BLOC1S6: variants seen among roughly 807,000 people sequenced by gnomAD.
BLOC1S6 encodes biogenesis of lysosome-related organelles complex 1 subunit 6.
A neutral mutation model predicts 24.7 loss-of-function variants in BLOC1S6; 24 were observed. The observed-to-expected ratio is 0.97, with a 90% CI of 0.70 to 1.37. The LOEUF is 1.37. Among genes scored for constraint, BLOC1S6 ranks in the 40% most tolerant of loss-of-function variants. The pLI is 0.00. For missense variants in BLOC1S6, 175 were observed against 196.2 expected (o/e 0.89, Z 0.64); for synonymous variants, 76 against 72.6 (o/e 1.05, Z -0.23).
intron 3 of BLOC1S6, 95 bp downstream of exon 3, chr15:45,603,282 TTG>T: frequency 2.5e-6 from 2 of 800,746 alleles, no homozygotes; most frequent in African/African-American, 1.7e-5. Flanking sequence ...AGCTTAGAAT[TTG>T]TCTTTTTAAC....
intron 2 of BLOC1S6, among the ~76,000 whole-genome samples, chr15:45,595,965 G>A (rs1478621795): frequency 1.3e-5 from 2 of 151,838 alleles, no homozygotes; most frequent in East Asian, 1.9e-4. Context: ...GCACCACCAC[G>A]CCTGTCTAAT....
At chr15:45,593,014 C>A (rs995377303) in intron 2 of BLOC1S6, among the ~76,000 whole-genome samples, 2 of 151,992 alleles carry the variant, frequency 1.3e-5, no homozygotes, top group African/African-American at 4.8e-5. Flanking sequence ...TTTATTAGGG[C>A]AAAAGGAGAG....
intron 2 of BLOC1S6, chr15:45,602,358 A>G (rs1242594050): frequency 1.5e-6 from 1 of 685,348 alleles, no homozygotes; most frequent in Admixed American, 2.1e-5. Flanking sequence ...TCTTTGTAGC[A>G]TTCTTTAAAA....
At chr15:45,598,026 G>A (rs1042098613) in intron 2 of BLOC1S6, 3 of 185,840 alleles carry the variant, frequency 1.6e-5, no homozygotes, top group African/African-American at 2.4e-5. Flanking sequence ...TGCAAGGCTG[G>A]TTCAATATAC....
intron 1 of BLOC1S6, 76 bp from the exon 2 acceptor site, chr15:45,592,059 C>A: frequency 6.6e-7 from 1 of 1,521,702 alleles, no homozygotes; most frequent in Non-Finnish European, 9.0e-7. Context: ...CTTCTCTAAT[C>A]CCACTGCTTC....
At chr15:45,593,386 GAA>G (rs59495378) in intron 2 of BLOC1S6, among the ~76,000 whole-genome samples, 5 of 63,340 alleles carry the variant, frequency 7.9e-5, no homozygotes, top group African/African-American at 1.7e-4. Flanking sequence ...CTCTGTCTCC[GAA>G]AAAAAAAAAA....
chr15:45,602,589 A>T (rs1018136488), intron 2 of BLOC1S6, among the ~76,000 whole-genome samples: 2 of 152,198 alleles, frequency 1.3e-5, no homozygotes, highest in African/African-American at 4.8e-5. Context: ...CATATAGCTA[A>T]CTGGCTGTTG....
At position 45,592,195 on chromosome 15, in the gene BLOC1S6, C is replaced by G; in HGVS notation, c.143C>G (p.Ala48Gly). The G allele has an allele frequency of 1.9e-6, 3 of 1,614,140 alleles. No homozygotes were observed. The East Asian group carries it at 6.7e-5, about 36-fold the overall frequency. Residue 48 changes from alanine to glycine, a missense_variant, in exon 2 of 5, where the codon GCA becomes GGA. Transcript: ENST00000220531. ...LIEDLTIEDKAVEQLAEGLLS... is the reference protein window; with the variant it reads ...LIEDLTIEDKGVEQLAEGLLS... ...GAGGACTTGACTATAGAAGACAAAG[C>G]AGTGGAGCAACTGGCAGAAGGATTG...
chr15:45,590,197 A>T (rs930185771), intron 1 of BLOC1S6, among the ~76,000 whole-genome samples: 10 of 149,162 alleles, frequency 6.7e-5, no homozygotes, highest in African/African-American at 2.2e-4. Flanking sequence ...CTCTCTCTAT[A>T]TTTTTTCTTT....
chr15:45,602,265 C>T, intron 2 of BLOC1S6: 1 of 597,728 alleles, frequency 1.7e-6, no homozygotes, highest in Non-Finnish European at 3.0e-6. Flanking sequence ...TGTAATTGCC[C>T]TGAGCCTGTT....
At chr15:45,587,350 C>G, upstream of BLOC1S6, 1 of 1,268,730 alleles carries the variant, frequency 7.9e-7, no homozygotes, top group Non-Finnish European at 1.1e-6. Flanking sequence ...GCGACAATCT[C>G]TTCTGTCCGG....
chr15:45,604,479 G>C (rs921530201), intron 3 of BLOC1S6, among the ~76,000 whole-genome samples: 10 of 152,106 alleles, frequency 6.6e-5, no homozygotes, highest in South Asian at 2.1e-4. Flanking sequence ...AGGAATATTT[G>C]TTGAATGAAT....
Position 45,606,425 on chromosome 15 carries a change from C to T in BLOC1S6, c.430C>T (p.Gln144Ter), listed in dbSNP as rs1205082283. The T allele has an allele frequency of 1.2e-6, 2 of 1,613,318 alleles. No individual in the cohort carries two copies. Among genetic ancestry groups the T allele is most frequent in the South Asian group, 1.1e-5 (1 of 91,052 alleles). ...KRALKLQQKRQKEELEREQQR... is the reference protein window; with the variant it reads ...KRALKLQQKR ...AGCACTTAAACTGCAGCAGAAGAGG[C>T]AAAAAGAAGAGTTGGAAAGGGAGCA... The change falls in exon 5 of 5, where the codon CAA becomes TAA. Residue 144 changes from glutamine to a stop codon, truncating the protein, a stop_gained. Transcript: ENST00000220531. LOFTEE classifies it high-confidence loss of function.
chr15:45,594,311 C>T (rs1893990685), intron 2 of BLOC1S6, among the ~76,000 whole-genome samples: 1 of 152,076 alleles, frequency 6.6e-6, no homozygotes, highest in Admixed American at 6.5e-5. Flanking sequence ...ATGTATTTAT[C>T]ATTTTAAGAA....
At chr15:45,591,213 A>G (rs1893872210) in intron 1 of BLOC1S6, among the ~76,000 whole-genome samples, 1 of 152,200 alleles carries the variant, frequency 6.6e-6, no homozygotes, top group South Asian at 2.1e-4. Context: ...TCCCTAACAA[A>G]TAACACAACC....
Position 45,606,640 on chromosome 15 carries a change from A to G in BLOC1S6, c.*126A>G. On this transcript the variant is annotated 3_prime_UTR_variant, in exon 5 of 5. Transcript: ENST00000220531. ...ATGTTGAAATCCTTATTCCGGTATT[A>G]CTGTGTCTCCATGCCTTTTTTCCAA... is the stretch of plus-strand genomic sequence containing the variant. 1 of 1,348,638 alleles carries G rather than the reference A, an allele frequency of 7.4e-7. No homozygotes were observed. The highest frequency in any genetic ancestry group is 1.2e-5 in the South Asian group (1 of 83,670). The allele number at this position is 1,348,638 out of a possible 1,614,324, so 83.5% of individuals were successfully genotyped here. A position where few individuals can be genotyped will look rare whatever the true frequency, so the allele number is the denominator to read the frequency against.
At chr15:45,600,289 A>G (rs1796469637) in intron 2 of BLOC1S6, among the ~76,000 whole-genome samples, 1 of 151,758 alleles carries the variant, frequency 6.6e-6, no homozygotes, top group South Asian at 2.1e-4. Flanking sequence ...TACGTAACTA[A>G]CCTGCACAAT....
At chr15:45,594,090 T>G (rs1251597192) in intron 2 of BLOC1S6, among the ~76,000 whole-genome samples, 2 of 152,116 alleles carry the variant, frequency 1.3e-5, no homozygotes, top group South Asian at 2.1e-4. Flanking sequence ...GAAAGAGTAC[T>G]GGACTGAGAG....
At position 45,603,085 on chromosome 15, in the gene BLOC1S6, G is replaced by GT; in HGVS notation, c.225-14dup. On this transcript the variant is annotated splice_polypyrimidine_tract_variant and intron_variant, in intron 2 of 4. Transcript: ENST00000220531. ...AATATGTAGAGTTTGTCTTGGCTGT[G>GT]TGTTTTTGTTTCAGACAGAACCAAG... The GT allele has an allele frequency of 6.4e-7, 1 of 1,566,534 alleles. No individual in the cohort carries two copies.
Sources: allele counts gnomAD v4.1 joint callset (sites outside exome capture counted in the v4.1 genomes callset), GRCh38; gene constraint gnomAD v4.1.1; transcripts MANE v1.5; gene names NCBI Gene and HGNC (gene_info 2026-07-23, HGNC 2026-07-21).